Variants in MTUS2 observed in about 807,000 individuals in gnomAD.
MTUS2 encodes microtubule associated scaffold protein 2.
In MTUS2, 40 loss-of-function variants were observed where a neutral mutation model predicts 114.1. The observed-to-expected ratio is 0.35, with a 90% CI of 0.27 to 0.46. The LOEUF (loss-of-function observed/expected upper bound fraction) is 0.46. Among genes scored for constraint, MTUS2 ranks in the 20% least tolerant of loss-of-function variants. The probability of loss-of-function intolerance (pLI) is 1.00; values close to 1 mark genes in which losing one functional copy is unlikely to be tolerated. For synonymous variants in MTUS2, 688 were observed against 672.0 expected (o/e 1.02, Z -0.37); for missense variants, 1,679 against 1,705.4 (o/e 0.98, Z 0.27).
At chr13:29,107,276 G>T (rs535623170) in intron 5 of MTUS2, among the ~76,000 whole-genome samples, 4 of 152,184 alleles carry the variant, frequency 2.6e-5, no homozygotes, top group Admixed American at 6.5e-5. Context: ...CTCTTAGGGG[G>T]TGGGGGCTAT....
At chr13:29,455,647 G>T (rs189561678) in intron 9 of MTUS2, among the ~76,000 whole-genome samples, 1 of 152,208 alleles carries the variant, frequency 6.6e-6, no homozygotes, top group Admixed American at 6.5e-5. Flanking sequence ...GACATACAAA[G>T]AAGCAAGGCT....
At chr13:29,384,274 G>T (rs764720587) in intron 8 of MTUS2, among the ~76,000 whole-genome samples, 1 of 152,166 alleles carries the variant, frequency 6.6e-6, no homozygotes, top group African/African-American at 2.4e-5. Flanking sequence ...GGGAAATCCC[G>T]TGTCCATTAG....
chr13:29,059,667 A>G (rs767741100), intron 4 of MTUS2, among the ~76,000 whole-genome samples: 12 of 152,304 alleles, frequency 7.9e-5, no homozygotes, highest in African/African-American at 1.9e-4. Flanking sequence ...AAGTAGGACT[A>G]TTGGGCTGAA....
At chr13:28,912,772 T>C (rs1429759894) in intron 2 of MTUS2, among the ~76,000 whole-genome samples, 3 of 152,190 alleles carry the variant, frequency 2.0e-5, no homozygotes, top group African/African-American at 4.8e-5. Context: ...TTTTATTCTT[T>C]TTGTAGCAAT....
intron 2 of MTUS2, among the ~76,000 whole-genome samples, chr13:29,006,073 C>G (rs1008152483): frequency 6.6e-6 from 1 of 152,252 alleles, no homozygotes; most frequent in East Asian, 1.9e-4. Context: ...AAATATTTCT[C>G]TTGTATGGAG....
intron 5 of MTUS2, among the ~76,000 whole-genome samples, chr13:29,244,689 G>C (rs552415083): frequency 6.6e-6 from 1 of 152,072 alleles, no homozygotes; most frequent in Non-Finnish European, 1.5e-5. Context: ...GGGCGCGGTG[G>C]CTCACGCCTG....
At chr13:29,121,087 G>T (rs1049243309) in intron 5 of MTUS2, among the ~76,000 whole-genome samples, 3 of 152,062 alleles carry the variant, frequency 2.0e-5, no homozygotes, top group Admixed American at 6.5e-5. Context: ...AAAATTCCCC[G>T]TAAGTCCTTA....
intron 11 of MTUS2, among the ~76,000 whole-genome samples, chr13:29,489,262 G>A (rs547432582): frequency 2.6e-5 from 4 of 151,678 alleles, no homozygotes; most frequent in East Asian, 1.9e-4. Context: ...GCGAAACTCC[G>A]CCTCAAAAAA....
chr13:29,322,951 G>T (rs36024173), intron 6 of MTUS2, among the ~76,000 whole-genome samples: 6 of 152,316 alleles, frequency 3.9e-5, no homozygotes, highest in Middle Eastern at 3.4e-3. Context: ...AAATGATTGA[G>T]ACTTCAGTGT....
At chr13:28,824,946 G>T (rs1448462103) in intron 1 of MTUS2, among the ~76,000 whole-genome samples, 2 of 152,192 alleles carry the variant, frequency 1.3e-5, no homozygotes, top group African/African-American at 4.8e-5. Context: ...CTCACTGAAA[G>T]GAGATGTTGA....
chr13:29,477,829 CT>C (rs1400338426), intron 9 of MTUS2, among the ~76,000 whole-genome samples: 1 of 151,938 alleles, frequency 6.6e-6, no homozygotes, highest in Non-Finnish European at 1.5e-5. Flanking sequence ...TTTTTAACAC[CT>C]TGTCTTCTAT....
At chr13:29,291,781 A>G (rs889210961) in intron 6 of MTUS2, among the ~76,000 whole-genome samples, 1 of 152,204 alleles carries the variant, frequency 6.6e-6, no homozygotes, top group Non-Finnish European at 1.5e-5. Context: ...CACATTGCCT[A>G]AAAACCCACA....
At chr13:29,100,624 A>G in intron 4 of MTUS2, 149 bp from the exon 5 acceptor site, 2 of 956,546 alleles carry the variant, frequency 2.1e-6, no homozygotes, top group Non-Finnish European at 3.0e-6. Context: ...TTCTCTTCCA[A>G]GGTCCATTTT....
chr13:29,123,431 C>A (rs111234310), intron 5 of MTUS2, among the ~76,000 whole-genome samples: 2,931 of 151,964 alleles, frequency 0.019, 101 homozygotes, highest in African/African-American at 0.067. Flanking sequence ...AAACACAAAC[C>A]TTTGGGTGGG....
intron 5 of MTUS2, among the ~76,000 whole-genome samples, chr13:29,276,240 T>C (rs577604609): frequency 6.6e-6 from 1 of 152,310 alleles, no homozygotes; most frequent in African/African-American, 2.4e-5. Context: ...GTCCTAACAG[T>C]TTAATGAGAA....
At chr13:29,400,182 A>T (rs889688619) in intron 8 of MTUS2, among the ~76,000 whole-genome samples, 3 of 152,216 alleles carry the variant, frequency 2.0e-5, no homozygotes, top group Non-Finnish European at 4.4e-5. Flanking sequence ...ACCCACCCAC[A>T]CACTCTCCTT....
At chr13:29,471,745 C>CCCCT (rs527980649) in intron 9 of MTUS2, among the ~76,000 whole-genome samples, 1 of 146,610 alleles carries the variant, frequency 6.8e-6, no homozygotes, top group Non-Finnish European at 1.5e-5. Flanking sequence ...AGGCCCAGCC[C>CCCCT]CCCCCGACAC....
At chr13:29,108,439 T>C (rs1333841211) in intron 5 of MTUS2, among the ~76,000 whole-genome samples, 1 of 152,242 alleles carries the variant, frequency 6.6e-6, no homozygotes, top group East Asian at 1.9e-4. Context: ...CATTTTTATT[T>C]ATAGTACAAA....
intron 2 of MTUS2, among the ~76,000 whole-genome samples, chr13:29,004,399 C>T (rs1208215089): frequency 6.6e-6 from 1 of 150,978 alleles, no homozygotes; most frequent in East Asian, 1.9e-4. Context: ...TTCAAAATAA[C>T]TCCCAATGCG....
Sources: gnomAD v4.1 joint callset for allele counts (sites outside exome capture counted in the v4.1 genomes callset) on GRCh38, gnomAD v4.1.1 for gene constraint, MANE v1.5 for transcripts, NCBI Gene and HGNC (gene_info 2026-07-23, HGNC 2026-07-21) for gene names.